Variants in DAP3 observed in about 807,000 individuals in gnomAD.
DAP3 encodes the protein small ribosomal subunit protein mS29.
Under a neutral mutation model 51.9 loss-of-function variants are expected in DAP3, and 28 were observed. The observed-to-expected ratio is 0.54, with a 90% confidence interval of 0.40 to 0.74. The LOEUF (loss-of-function observed/expected upper bound fraction) is 0.74. DAP3 is among the 30% of genes least tolerant of loss of function. The pLI, the probability that DAP3 is intolerant of heterozygous loss-of-function variation, is 0.00. For missense variants in DAP3, 458 were observed against 483.5 expected (o/e 0.95, Z 0.49); for synonymous variants, 170 against 170.3 (o/e 1.00, Z 0.01).
intron 2 of DAP3, among the ~76,000 whole-genome samples, chr1:155,715,331 T>G (rs1657202260): frequency 6.6e-6 from 1 of 151,586 alleles, no homozygotes; most frequent in Non-Finnish European, 1.5e-5. Context: ...GAGAGCAGCC[T>G]GGGCAACATA....
chr1:155,713,221 T>C (rs1656929319), intron 2 of DAP3, among the ~76,000 whole-genome samples: 1 of 152,182 alleles, frequency 6.6e-6, no homozygotes, highest in South Asian at 2.1e-4. Flanking sequence ...CAAGTTATTT[T>C]CATTCATAGG....
intron 4 of DAP3, 42 bp from the exon 5 acceptor site, chr1:155,725,340 T>A: frequency 6.6e-7 from 1 of 1,521,932 alleles, no homozygotes; most frequent in Non-Finnish European, 9.1e-7. Flanking sequence ...CACCCACTCC[T>A]TCCACACCCA....
At chr1:155,735,404 T>C (rs1287068628) in intron 11 of DAP3, among the ~76,000 whole-genome samples, 1 of 151,992 alleles carries the variant, frequency 6.6e-6, no homozygotes, top group African/African-American at 2.4e-5. Context: ...GATGAAATCC[T>C]GTCTCTACTA....
At chr1:155,714,269 C>T (rs1657066599) in intron 2 of DAP3, among the ~76,000 whole-genome samples, 1 of 152,158 alleles carries the variant, frequency 6.6e-6, no homozygotes. Context: ...TCTCACTGTG[C>T]TTCCCTGGCT....
At chr1:155,736,855 ATACCT>A in intron 11 of DAP3, 86 bp from the exon 12 acceptor site, 1 of 1,058,910 alleles carries the variant, frequency 9.4e-7, no homozygotes, top group Non-Finnish European at 1.5e-6. Context: ...AGAAAAACAA[ATACCT>A]TACCTTCAAA....
At chr1:155,688,336 G>A, upstream of DAP3, 2 of 1,550,394 alleles carry the variant, frequency 1.3e-6, no homozygotes, top group Admixed American at 2.0e-5. Context: ...GGCAGCGGCG[G>A]CAGCAGAGTG....
chr1:155,735,175 G>A (rs927220382), intron 11 of DAP3, among the ~76,000 whole-genome samples: 3 of 151,550 alleles, frequency 2.0e-5, no homozygotes, highest in Non-Finnish European at 4.4e-5. Context: ...CAGATACTCC[G>A]AAGGCTGAGG....
At chr1:155,721,712 A>ATCTTT in intron 4 of DAP3, 94 bp downstream of exon 4, 1 of 1,205,350 alleles carries the variant, frequency 8.3e-7, no homozygotes, top group Non-Finnish European at 1.2e-6. Flanking sequence ...ATTTAAAAAG[A>ATCTTT]TGAAATTTAA....
At chr1:155,709,450 G>A (rs528233449) in intron 1 of DAP3, among the ~76,000 whole-genome samples, 1 of 152,256 alleles carries the variant, frequency 6.6e-6, no homozygotes, top group African/African-American at 2.4e-5. Flanking sequence ...GTGAGCCACT[G>A]TGTCCCGCCT....
chr1:155,712,787 G>A (rs348203), intron 2 of DAP3, among the ~76,000 whole-genome samples: 4 of 151,708 alleles, frequency 2.6e-5, no homozygotes, highest in East Asian at 1.9e-4. Context: ...AAAAAAAAGT[G>A]TAACAAAAAT....
chr1:155,716,156 G>T (rs941399731), intron 2 of DAP3, among the ~76,000 whole-genome samples: 2 of 152,158 alleles, frequency 1.3e-5, no homozygotes, highest in African/African-American at 4.8e-5. Context: ...GTTTGTTTCC[G>T]TATAGGACAG....
At chr1:155,705,811 C>T (rs1388224437) in intron 1 of DAP3, among the ~76,000 whole-genome samples, 1 of 152,020 alleles carries the variant, frequency 6.6e-6, no homozygotes, top group East Asian at 1.9e-4. Flanking sequence ...AGCGATTCTC[C>T]CGCCTCAGCC....
chr1:155,706,393 T>C lies in DAP3; in HGVS notation c.-7-3380T>C, dbSNP rs143160596. The stretch of plus-strand genomic sequence containing the variant: ...TGTTCACCATTCCATTCACAGAGCC[T>C]GACACACAGTAGGTGCTCAGTAACT... On this transcript the variant is annotated intron_variant, in intron 1 of 12. Coordinates refer to ENST00000368336, the MANE Select transcript of DAP3 (RefSeq NM_004632.4). Among the ~76,000 whole-genome samples, 10 of 152,346 alleles carry C rather than the reference T, an allele frequency of 6.6e-5. No individual in the cohort carries two copies. The East Asian group carries it at 1.7e-3, about 26-fold the overall frequency.
intron 6 of DAP3, chr1:155,726,279 C>A: frequency 4.3e-6 from 1 of 230,146 alleles, no homozygotes; most frequent in African/African-American, 2.4e-5. Flanking sequence ...CCACCACGCC[C>A]AGCTAATTTT....
chr1:155,706,912 G>A (rs1044799989), intron 1 of DAP3, among the ~76,000 whole-genome samples: 1 of 151,986 alleles, frequency 6.6e-6, no homozygotes, highest in African/African-American at 2.4e-5. Flanking sequence ...GGCCAACATG[G>A]TGAAACCCTG....
intron 1 of DAP3, among the ~76,000 whole-genome samples, chr1:155,695,597 A>G (rs758294900): frequency 2.7e-4 from 41 of 152,220 alleles, no homozygotes; most frequent in African/African-American, 9.2e-4. Flanking sequence ...CCGAGCACAC[A>G]CAGCTGTTTG....
At chr1:155,708,346 C>A (rs971851601) in intron 1 of DAP3, among the ~76,000 whole-genome samples, 1 of 151,888 alleles carries the variant, frequency 6.6e-6, no homozygotes, top group African/African-American at 2.4e-5. Flanking sequence ...ACCACACTTT[C>A]AACTTTTTGT....
rs182031420 is a variant in DAP3 at position 155,738,673 on chromosome 1, T to G, written c.*431T>G. The G allele has an allele frequency of 6.5e-6, 1 of 154,902 alleles. No homozygotes were observed. The highest frequency in any genetic ancestry group is 1.4e-5 in the Non-Finnish European group (1 of 69,848). The allele number at this position is 154,902 out of a possible 1,614,324, so 9.6% of individuals were successfully genotyped here. ...TGTTGAGGCTTTATGGAATTCAGCA[T>G]GTCAAAATTCACAGCTGGCTGGGCA... On this transcript the variant is annotated 3_prime_UTR_variant, in exon 13 of 13. Transcript: ENST00000368336.
At chr1:155,688,782 G>C (rs1571391434), upstream of DAP3, 4 of 1,537,292 alleles carry the variant, frequency 2.6e-6, no homozygotes, top group South Asian at 1.2e-5. Flanking sequence ...TACACTCCTC[G>C]CGCGTGCGCC....
Sources: gnomAD v4.1 joint callset for allele counts (sites outside exome capture counted in the v4.1 genomes callset) on GRCh38, gnomAD v4.1.1 for gene constraint, MANE v1.5 for transcripts, NCBI Gene and HGNC (gene_info 2026-07-23, HGNC 2026-07-21) for gene names.